Variants in DPYD observed in about 807,000 individuals in gnomAD.
DPYD encodes dihydropyrimidine dehydrogenase, also known as dihydropyrimidine dehydrogenase [NADP(+)].
A neutral mutation model predicts 116.2 loss-of-function variants in DPYD; 109 were observed. That is an observed-to-expected ratio of 0.94 (90% CI 0.80 to 1.10). The LOEUF is 1.10. Ranked by LOEUF, DPYD falls within the 50% of genes least tolerant of loss-of-function variation. DPYD has a pLI of 0.00. For synonymous variants in DPYD, 440 were observed against 432.0 expected, an observed-to-expected ratio of 1.02 and a Z score of -0.23; for missense variants, 1,302 against 1,254.5, an observed-to-expected ratio of 1.04 and a Z score of -0.57.
At chr1:97,411,351 C>A (rs1673982796) in intron 14 of DPYD, among the ~76,000 whole-genome samples, 1 of 151,888 alleles carries the variant, frequency 6.6e-6, no homozygotes. Context: ...CACTTTTTTT[C>A]TGCTCTCCTT....
intron 14 of DPYD, among the ~76,000 whole-genome samples, chr1:97,440,797 T>C (rs1264977396): frequency 6.6e-6 from 1 of 152,242 alleles, no homozygotes; most frequent in East Asian, 1.9e-4. Flanking sequence ...ACAATTCTGG[T>C]GGTCTTTATT....
chr1:97,850,523 T>G (rs1331591665), intron 2 of DPYD, among the ~76,000 whole-genome samples: 1 of 152,148 alleles, frequency 6.6e-6, no homozygotes, highest in Non-Finnish European at 1.5e-5. Flanking sequence ...CTCATATGAA[T>G]TCTTTAAAAC....
chr1:97,766,102 G>C (rs757118080), intron 3 of DPYD, among the ~76,000 whole-genome samples: 2 of 152,038 alleles, frequency 1.3e-5, no homozygotes, highest in Non-Finnish European at 2.9e-5. Flanking sequence ...TTAGCCATGC[G>C]TGGTGACACA....
At chr1:97,102,821 T>A (rs1015945963) in intron 20 of DPYD, among the ~76,000 whole-genome samples, 4 of 151,970 alleles carry the variant, frequency 2.6e-5, no homozygotes, top group Admixed American at 2.6e-4. Context: ...GAATTATATG[T>A]CAAATATACC....
intron 13 of DPYD, among the ~76,000 whole-genome samples, chr1:97,472,974 G>C (rs1055767611): frequency 6.6e-6 from 1 of 151,948 alleles, no homozygotes; most frequent in Non-Finnish European, 1.5e-5. Flanking sequence ...TTGTTTTTTT[G>C]TGGTGAGAAT....
chr1:97,883,549 C>T (rs1298909616), intron 1 of DPYD, among the ~76,000 whole-genome samples, 175 bp from the exon 2 acceptor site: 2 of 151,998 alleles, frequency 1.3e-5, no homozygotes, highest in African/African-American at 4.8e-5. Flanking sequence ...CAGGCTCAGG[C>T]GATCCTCCCA....
In DPYD at chr1:97,501,341, G is replaced by A. The variant is rs562448592; in HGVS notation, c.1740+14385C>T. On this transcript the variant is annotated intron_variant, in intron 13 of 22. Coordinates refer to ENST00000370192, the MANE Select transcript of DPYD (RefSeq NM_000110.4). Reference sequence around the variant, plus strand: ...TAAATTTACTATGAATTATACCCCCGATTGGCTCTGCCTATAGTAACTTGA... The same window carrying A: ...TAAATTTACTATGAATTATACCCCCAATTGGCTCTGCCTATAGTAACTTGA... Among the ~76,000 whole-genome samples the A allele has an allele frequency of 6.6e-5, 10 of 151,986 alleles. 1 individual carries two copies. In the South Asian group the frequency reaches 1.2e-3, roughly 19 times the overall value.
At chr1:97,777,001 C>T (rs546700350) in intron 3 of DPYD, among the ~76,000 whole-genome samples, 39 of 152,110 alleles carry the variant, frequency 2.6e-4, no homozygotes, top group East Asian at 1.7e-3. Context: ...TCAAACTTTT[C>T]GACAAAAGTT....
chr1:97,180,679 A>G (rs1287770935), intron 20 of DPYD, among the ~76,000 whole-genome samples: 1 of 152,132 alleles, frequency 6.6e-6, no homozygotes, highest in Non-Finnish European at 1.5e-5. Context: ...TTGAATATGA[A>G]AAGCATTATT....
At chr1:97,718,721 A>G (rs1172052726) in intron 5 of DPYD, among the ~76,000 whole-genome samples, 1 of 151,722 alleles carries the variant, frequency 6.6e-6, no homozygotes, top group Non-Finnish European at 1.5e-5. Context: ...ACTTTAGGCA[A>G]TGGGTAGAAA....
At chr1:97,087,595 G>A (rs1649607447) in intron 21 of DPYD, among the ~76,000 whole-genome samples, 1 of 152,152 alleles carries the variant, frequency 6.6e-6, no homozygotes, top group South Asian at 2.1e-4. Context: ...AGATGAGTAA[G>A]GATTGGCCAG....
chr1:97,197,568 G>A (rs1218538758), intron 19 of DPYD, among the ~76,000 whole-genome samples: 1 of 152,120 alleles, frequency 6.6e-6, no homozygotes, highest in Non-Finnish European at 1.5e-5. Context: ...ATGTTTCCAG[G>A]AAGAAGATAC....
At chr1:97,696,877 CAT>C (rs1661337402) in intron 6 of DPYD, among the ~76,000 whole-genome samples, 2 of 152,058 alleles carry the variant, frequency 1.3e-5, no homozygotes, top group Admixed American at 1.3e-4. Context: ...ACCTAGACCT[CAT>C]TTCTCTTTAT....
intron 3 of DPYD, among the ~76,000 whole-genome samples, chr1:97,790,262 G>A (rs1667247914): frequency 6.6e-6 from 1 of 152,172 alleles, no homozygotes; most frequent in Non-Finnish European, 1.5e-5. Context: ...GGACCCAGCT[G>A]ACTTCAAGAT....
chr1:97,514,358 G>C (rs746100241), intron 13 of DPYD: 9 of 571,928 alleles, frequency 1.6e-5, no homozygotes, highest in Non-Finnish European at 2.0e-5. Context: ...CTTTTTTTCA[G>C]CTATAATTCT....
At chr1:97,775,714 T>C (rs1321148455) in intron 3 of DPYD, among the ~76,000 whole-genome samples, 1 of 152,158 alleles carries the variant, frequency 6.6e-6, no homozygotes, top group African/African-American at 2.4e-5. Flanking sequence ...CCTCAGGATG[T>C]CATCTTTGTG....
At chr1:97,920,005 C>T (rs1338668330) in intron 1 of DPYD, among the ~76,000 whole-genome samples, 1 of 152,190 alleles carries the variant, frequency 6.6e-6, no homozygotes, top group East Asian at 1.9e-4. Context: ...AGAAAACACA[C>T]ACACACATAA....
chr1:97,135,397 ACT>A (rs969652992), intron 20 of DPYD, among the ~76,000 whole-genome samples: 6 of 152,078 alleles, frequency 3.9e-5, no homozygotes, highest in African/African-American at 1.4e-4. Flanking sequence ...GAGCTATAAA[ACT>A]CATGAATTTC....
At chr1:97,297,494 G>C (rs890422994) in intron 18 of DPYD, among the ~76,000 whole-genome samples, 3 of 152,168 alleles carry the variant, frequency 2.0e-5, no homozygotes, top group Admixed American at 2.0e-4. Context: ...ATAATATCAT[G>C]AACAGTCTAT....
Sources: gnomAD v4.1 joint callset for allele counts (sites outside exome capture counted in the v4.1 genomes callset) on GRCh38, gnomAD v4.1.1 for gene constraint, MANE v1.5 for transcripts, NCBI Gene and HGNC (gene_info 2026-07-23, HGNC 2026-07-21) for gene names.